Variants in RC3H1 observed in about 807,000 individuals in gnomAD.
RC3H1 encodes the protein ring finger and CCCH-type domains 1.
A neutral mutation model predicts 138.2 loss-of-function variants in RC3H1; 50 were observed. That is an observed-to-expected ratio of 0.36 (90% confidence interval 0.29 to 0.46). The LOEUF is 0.46. Among genes scored for constraint, RC3H1 ranks in the 20% least tolerant of loss-of-function variants. RC3H1 has a pLI of 1.00. For missense variants in RC3H1, 1,031 were observed against 1,388.1 expected (o/e 0.74, Z 4.09); for synonymous variants, 462 against 489.1 (o/e 0.94, Z 0.73).
At chr1:174,021,550 A>T (rs950200224) in intron 1 of RC3H1, among the ~76,000 whole-genome samples, 1 of 151,960 alleles carries the variant, frequency 6.6e-6, no homozygotes, top group African/African-American at 2.4e-5. Context: ...CAGGGAGAAG[A>T]CTACCAGGCT....
intron 7 of RC3H1, among the ~76,000 whole-genome samples, chr1:173,976,608 A>T (rs893091688): frequency 7.9e-5 from 12 of 152,302 alleles, no homozygotes; most frequent in African/African-American, 2.9e-4. Flanking sequence ...TGAGTTCAAG[A>T]GTGTGCCAAA....
chr1:174,007,371 CAGAGCGAGACTCCATCTCAA>C (rs1490409064), intron 1 of RC3H1, among the ~76,000 whole-genome samples: 1 of 150,282 alleles, frequency 6.7e-6, no homozygotes, highest in East Asian at 1.9e-4. Context: ...GCCTGGGCGA[CAGAGCGAGACTCCATCTCAA>C]AAAAAAAAAA....
chr1:173,956,450 G>A (rs779591820), intron 13 of RC3H1, among the ~76,000 whole-genome samples: 86 of 151,686 alleles, frequency 5.7e-4, no homozygotes, highest in Non-Finnish European at 8.4e-4. Flanking sequence ...ACCTGAGGTC[G>A]GGAGTTTGAG....
chr1:173,944,594 A>G (rs1056028605), intron 17 of RC3H1, among the ~76,000 whole-genome samples: 3 of 152,154 alleles, frequency 2.0e-5, no homozygotes, highest in African/African-American at 7.2e-5. Context: ...CAAACAAAAA[A>G]CCATGCATTT....
Position 173,984,480 on chromosome 1 carries a change from GAAAC to G in RC3H1, c.352+15_352+18del. 1 of 1,608,984 alleles carries G rather than the reference GAAAC, an allele frequency of 6.2e-7. No homozygotes were observed. The highest frequency in any genetic ancestry group is 2.2e-5 in the East Asian group (1 of 44,784). ...AAAAGCAGTTTTACTCTTTAAATAAGAAACAAAAACAAACTTACCTCTAGCACTG... is the reference window on the plus strand; with the variant it reads ...AAAAGCAGTTTTACTCTTTAAATAAGAAAAACAAACTTACCTCTAGCACTG... On this transcript the variant is annotated intron_variant, in intron 3 of 19. Transcript: ENST00000367696.
intron 1 of RC3H1, among the ~76,000 whole-genome samples, chr1:174,001,750 G>A (rs1283907165): frequency 6.6e-6 from 1 of 152,106 alleles, no homozygotes; most frequent in Admixed American, 6.6e-5. Flanking sequence ...ATCTTTAAAG[G>A]TAGTAGAAAG....
chr1:173,992,669 AACACACAC>A (rs34709821), intron 2 of RC3H1, 78 bp downstream of exon 2: 19 of 657,820 alleles, frequency 2.9e-5, no homozygotes, highest in African/African-American at 5.7e-5. Flanking sequence ...AAACACGCAC[AACACACAC>A]ACACACACAC....
At chr1:173,984,666 T>TA in intron 2 of RC3H1, 47 bp from the exon 3 acceptor site, 1 of 1,589,828 alleles carries the variant, frequency 6.3e-7, no homozygotes. Context: ...ATTCATTAAT[T>TA]GTTTTATTTA....
chr1:173,982,927 A>C (rs1184920929), intron 4 of RC3H1, 25 bp from the exon 5 acceptor site: 4 of 1,591,336 alleles, frequency 2.5e-6, no homozygotes, highest in Non-Finnish European at 3.4e-6. Context: ...GCAAAACCAA[A>C]ATTTATCAAG....
rs1263514918 is a variant in RC3H1, at chr1:173,937,306, T to G, written c.*1415A>C. On this transcript the variant is annotated 3_prime_UTR_variant, in exon 20 of 20. Transcript: ENST00000367696. ...TAAGAAACAAGAAAAATATAAACTC[T>G]TGTTTTTACTCAACCAAAGCAATGT... is the stretch of plus-strand genomic sequence containing the variant. 6 of 152,412 alleles carry G rather than the reference T, an allele frequency of 3.9e-5. No individual in the cohort carries two copies. Among genetic ancestry groups the G allele is most frequent in the African/African-American group, 1.4e-4 (6 of 41,392 alleles). The allele number at this position is 152,412 out of a possible 1,614,324, so 9.4% of individuals were successfully genotyped here.
chr1:173,950,062 G>A (rs1410864567), intron 14 of RC3H1, among the ~76,000 whole-genome samples: 1 of 151,934 alleles, frequency 6.6e-6, no homozygotes, highest in Admixed American at 6.6e-5. Context: ...CCAGCTCCTC[G>A]GGAGGCTGAG....
chr1:173,982,664 C>T, intron 5 of RC3H1, 63 bp downstream of exon 5: 1 of 1,369,502 alleles, frequency 7.3e-7, no homozygotes, highest in Non-Finnish European at 9.8e-7. Flanking sequence ...CAAAGTTTTA[C>T]TACTTAACTT....
In RC3H1 at chr1:174,022,110, C is replaced by G; in HGVS notation, c.-165G>C. On this transcript the variant is annotated 5_prime_UTR_variant, in exon 1 of 20. Coordinates refer to ENST00000367696, the MANE Select transcript of RC3H1 (RefSeq NM_172071.4). The surrounding 1 kb of genome is among the most constrained non-coding windows in gnomAD (Gnocchi z 4.2). ...CGCTCGCTCACCGCGCTGGTCCGAG[C>G]AGCAGCTCCTCTCAGCTCCGAGTCC... 2.5e-6 allele frequency: 1 copy of G among 398,732 alleles called. No individual in the cohort carries two copies. The highest frequency in any genetic ancestry group is 3.6e-5 in the East Asian group (1 of 27,944). 24.7% of individuals were successfully genotyped at this position (398,732 alleles called of 1,614,324 possible). A position where few individuals can be genotyped will look rare whatever the true frequency, so the allele number is the denominator to read the frequency against.
At chr1:173,955,534 T>C (rs897757256) in intron 13 of RC3H1, among the ~76,000 whole-genome samples, 1 of 151,466 alleles carries the variant, frequency 6.6e-6, no homozygotes, top group Non-Finnish European at 1.5e-5. Flanking sequence ...TTAGCCAGGA[T>C]GGTCTTGATC....
At chr1:173,978,892 TA>T in intron 6 of RC3H1, among the ~76,000 whole-genome samples, 1 of 152,324 alleles carries the variant, frequency 6.6e-6, no homozygotes, top group East Asian at 1.9e-4. Context: ...CAATTAGATA[TA>T]CTGATGAGTC....
chr1:173,949,785 T>C (rs1391707108), intron 14 of RC3H1, among the ~76,000 whole-genome samples: 2 of 152,192 alleles, frequency 1.3e-5, no homozygotes, highest in Admixed American at 6.5e-5. Flanking sequence ...AGCCTAAATG[T>C]CCACCAATAC....
chr1:173,985,086 T>C (rs575455318), intron 2 of RC3H1, among the ~76,000 whole-genome samples: 1 of 152,360 alleles, frequency 6.6e-6, no homozygotes, highest in East Asian at 1.9e-4. Flanking sequence ...CTTTTCTGAC[T>C]TACTTCTTTC....
intron 1 of RC3H1, among the ~76,000 whole-genome samples, chr1:174,010,520 T>C (rs1373377328): frequency 1.3e-5 from 2 of 152,062 alleles, no homozygotes; most frequent in Non-Finnish European, 2.9e-5. Flanking sequence ...GCTCAAGCAA[T>C]CCTCCCACCT....
intron 1 of RC3H1, among the ~76,000 whole-genome samples, chr1:174,014,495 C>T (rs528705728): frequency 1.6e-4 from 24 of 152,138 alleles, no homozygotes; most frequent in Non-Finnish European, 2.2e-4. Flanking sequence ...TGAAGAATTA[C>T]TTCATTTCTG....
Sources: allele counts gnomAD v4.1 joint callset (sites outside exome capture counted in the v4.1 genomes callset), GRCh38; gene constraint gnomAD v4.1.1; non-coding constraint Gnocchi (gnomAD v3.1); transcripts MANE v1.5; gene names NCBI Gene and HGNC (gene_info 2026-07-23, HGNC 2026-07-21).